Variants in NIPSNAP3B observed in about 807,000 individuals in gnomAD.
NIPSNAP3B encodes the protein nipsnap homolog 3B, also known as protein NipSnap homolog 3B.
In NIPSNAP3B, 30 loss-of-function variants were observed where a neutral mutation model predicts 31.5. The observed-to-expected ratio is 0.95, with a 90% CI of 0.71 to 1.29. NIPSNAP3B has a LOEUF of 1.29. Ranked by LOEUF, NIPSNAP3B falls within the 50% of genes most tolerant of loss-of-function variation. The pLI is 0.00. For missense variants in NIPSNAP3B, 269 were observed against 300.7 expected, an observed-to-expected ratio of 0.89 and a Z score of 0.78; for synonymous variants, 106 against 107.9, an observed-to-expected ratio of 0.98 and a Z score of 0.11.
the NIPSNAP3B span, among the ~76,000 whole-genome samples, chr9:104,784,725 C>T: frequency 1.2e-3 from 188 of 152,282 alleles, no homozygotes; most frequent in African/African-American, 4.3e-3. Flanking sequence ...CTCACTGTAA[C>T]CTCCACCTCC....
At chr9:104,769,142 TG>T in intron 3 of NIPSNAP3B, 121 bp downstream of exon 3, 1 of 689,454 alleles carries the variant, frequency 1.5e-6, no homozygotes, top group Non-Finnish European at 2.2e-6. Flanking sequence ...TAATAATATA[TG>T]ATGAGTCTGG....
At chr9:104,783,993 CAAAAA>C in the NIPSNAP3B span, 12 of 132,080 alleles carry the variant, frequency 9.1e-5, no homozygotes, top group South Asian at 2.2e-4. Context: ...TACACAGGAA[CAAAAA>C]AAAAAAAAAA....
chr9:104,788,366 TA>T, the NIPSNAP3B span: 2 of 1,604,378 alleles, frequency 1.2e-6, no homozygotes, highest in East Asian at 4.5e-5. Context: ...GGAAAAGCCA[TA>T]AGGTATATAT....
downstream of NIPSNAP3B, among the ~76,000 whole-genome samples, chr9:104,778,473 C>A (rs372062810): frequency 2.0e-5 from 3 of 152,054 alleles, no homozygotes; most frequent in South Asian, 2.1e-4. Flanking sequence ...GTGATCCACC[C>A]GTCTCGGCCT....
At chr9:104,787,894 A>G in the NIPSNAP3B span, 4 of 1,613,842 alleles carry the variant, frequency 2.5e-6, no homozygotes, top group Middle Eastern at 3.3e-4. Flanking sequence ...CCAGAACAAC[A>G]GTTTTCCATC....
chr9:104,771,587 A>G (rs1228368438), intron 4 of NIPSNAP3B, among the ~76,000 whole-genome samples: 1 of 152,182 alleles, frequency 6.6e-6, no homozygotes, highest in African/African-American at 2.4e-5. Context: ...CATGGTGTGT[A>G]TGTACCACAT....
chr9:104,784,624 AG>A, the NIPSNAP3B span, among the ~76,000 whole-genome samples: 1 of 152,212 alleles, frequency 6.6e-6, no homozygotes, highest in East Asian at 1.9e-4. Context: ...ACTTGAAAAA[AG>A]CAATAACAAC....
rs778541345 is a variant in NIPSNAP3B at position 104,776,928 on chromosome 9, GC to G, written c.*3857del. Among the ~76,000 whole-genome samples the G allele has an allele frequency of 1.5e-4, 23 of 152,108 alleles. No homozygotes were observed. Among genetic ancestry groups the G allele is most frequent in the Non-Finnish European group, 3.2e-4 (22 of 68,026 alleles). ...ATCATTCCTTCACATGTCATTTTGA[GC>G]CACTGTTAACAGATTACATAACTGT... On this transcript the variant is annotated 3_prime_UTR_variant, in exon 6 of 6. Transcript: ENST00000374762.
intron 4 of NIPSNAP3B, among the ~76,000 whole-genome samples, chr9:104,771,686 C>A (rs112661088): frequency 0.014 from 2,175 of 152,262 alleles, 29 homozygotes; most frequent in Non-Finnish European, 0.023. Flanking sequence ...CTGCAGTGAA[C>A]ATTCACGTGC....
In NIPSNAP3B at chr9:104,775,343, A is replaced by C. The variant is rs147449600; in HGVS notation, c.*2270A>C. ...CCAGCCAAATTGCTCTTGTCAACTCATTTCCCAGTTCTCATTTCACTTGAC... is the reference window on the plus strand; with the variant it reads ...CCAGCCAAATTGCTCTTGTCAACTCCTTTCCCAGTTCTCATTTCACTTGAC... On this transcript the variant is annotated 3_prime_UTR_variant, in exon 6 of 6. Coordinates refer to ENST00000374762, the MANE Select transcript of NIPSNAP3B (RefSeq NM_018376.4). Among the ~76,000 whole-genome samples, 5 of 151,916 alleles carry C rather than the reference A, an allele frequency of 3.3e-5. No homozygotes were observed. Among genetic ancestry groups the C allele is most frequent in the Non-Finnish European group, 7.4e-5 (5 of 67,962 alleles).
Position 104,764,277 on chromosome 9 carries a change from G to T in NIPSNAP3B, c.37G>T (p.Ala13Ser). 6.3e-7 allele frequency: 1 copy of T among 1,595,838 alleles called. No individual in the cohort carries two copies. Among genetic ancestry groups the T allele is most frequent in the South Asian group, 1.1e-5 (1 of 87,944 alleles). ...VLRSGLTKAL[A>S]SRTLAPQVCS... ...CAGAAGCGGCCTGACCAAGGCGCTTGCCTCACGGACGCTCGCGCCTCAGGT... is the reference window on the plus strand; with the variant it reads ...CAGAAGCGGCCTGACCAAGGCGCTTTCCTCACGGACGCTCGCGCCTCAGGT... Residue 13 changes from alanine (A) to serine (S), a missense_variant, in exon 1 of 6, where the codon GCC becomes TCC. Transcript: ENST00000374762.
At chr9:104,788,814 A>G in the NIPSNAP3B span, among the ~76,000 whole-genome samples, 1 of 152,192 alleles carries the variant, frequency 6.6e-6, no homozygotes, top group Non-Finnish European at 1.5e-5. Flanking sequence ...CTGCAGGTGC[A>G]GTCCCATTTC....
chr9:104,786,853 C>A, the NIPSNAP3B span: 2 of 1,598,286 alleles, frequency 1.3e-6, no homozygotes, highest in African/African-American at 2.7e-5. Context: ...CAGTGAGGAA[C>A]CCAAGACTTT....
At chr9:104,782,867 G>C in the NIPSNAP3B span, 5 of 145,442 alleles carry the variant, frequency 3.4e-5, no homozygotes, top group Non-Finnish European at 6.0e-5. Context: ...AAAAAAAAAG[G>C]CTGCCCAGTA....
At chr9:104,779,182 C>T (rs1828397985), downstream of NIPSNAP3B, among the ~76,000 whole-genome samples, 1 of 152,124 alleles carries the variant, frequency 6.6e-6, no homozygotes, top group Non-Finnish European at 1.5e-5. Flanking sequence ...GACTTCTCTC[C>T]ATTGTTATCC....
At chr9:104,784,245 A>G in the NIPSNAP3B span, 2 of 1,599,996 alleles carry the variant, frequency 1.3e-6, no homozygotes, top group Non-Finnish European at 1.7e-6. Flanking sequence ...TTTCTCCACA[A>G]CACTTCACAT....
At chr9:104,767,987 C>T (rs149320145) in intron 2 of NIPSNAP3B, among the ~76,000 whole-genome samples, 17 of 152,240 alleles carry the variant, frequency 1.1e-4, no homozygotes, top group Non-Finnish European at 2.1e-4. Flanking sequence ...CCATCAAACC[C>T]ACACACATCC....
At chr9:104,786,052 A>G in the NIPSNAP3B span, among the ~76,000 whole-genome samples, 1 of 152,212 alleles carries the variant, frequency 6.6e-6, no homozygotes, top group Non-Finnish European at 1.5e-5. Context: ...CAAAGCTAGG[A>G]GGTAGATCTT....
the NIPSNAP3B span, chr9:104,786,481 G>C: frequency 8.8e-7 from 1 of 1,141,432 alleles, no homozygotes; most frequent in Non-Finnish European, 1.3e-6. Context: ...CAGCTTCCTA[G>C]GGAATTGTAT....
Sources: gnomAD v4.1 joint callset for allele counts (sites outside exome capture counted in the v4.1 genomes callset) on GRCh38, gnomAD v4.1.1 for gene constraint, MANE v1.5 for transcripts, NCBI Gene and HGNC (gene_info 2026-07-23, HGNC 2026-07-21) for gene names.